Variants in CPPED1 observed in about 807,000 individuals in gnomAD.
CPPED1 encodes the protein serine/threonine-protein phosphatase CPPED1.
A neutral mutation model predicts 28.0 loss-of-function variants in CPPED1; 28 were observed. The observed-to-expected ratio is 1.00, with a 90% CI of 0.74 to 1.37. The LOEUF (loss-of-function observed/expected upper bound fraction) is 1.37, where lower values mean the gene tolerates loss of function less well. Among genes scored for constraint, CPPED1 ranks in the 40% most tolerant of loss-of-function variants. The probability of loss-of-function intolerance (pLI) is 0.00; values close to 1 mark genes in which losing one functional copy is unlikely to be tolerated. For missense variants in CPPED1, 504 were observed against 416.5 expected, an observed-to-expected ratio of 1.21 and a Z score of -1.83; for synonymous variants, 198 against 180.2, an observed-to-expected ratio of 1.10 and a Z score of -0.79.
At chr16:12,803,374 G>A (rs921340855) in intron 1 of CPPED1, among the ~76,000 whole-genome samples, 5 of 152,220 alleles carry the variant, frequency 3.3e-5, no homozygotes, top group Non-Finnish European at 2.9e-5. Context: ...CTGAGGCCAA[G>A]ATGCTAATGC....
intron 3 of CPPED1, among the ~76,000 whole-genome samples, chr16:12,683,731 G>A (rs1167223915): frequency 6.6e-6 from 1 of 152,130 alleles, no homozygotes; most frequent in African/African-American, 2.4e-5. Flanking sequence ...CATCCTCAGT[G>A]TGATCTTCCT....
chr16:12,725,476 C>T (rs2080164996), intron 2 of CPPED1, among the ~76,000 whole-genome samples: 1 of 152,098 alleles, frequency 6.6e-6, no homozygotes. Context: ...TTTTTTCACA[C>T]TACTTTGGAT....
chr16:12,732,768 ACCTATC>A (rs749623394), intron 2 of CPPED1, among the ~76,000 whole-genome samples: 52 of 152,312 alleles, frequency 3.4e-4, no homozygotes, highest in Non-Finnish European at 6.6e-4. Context: ...ATAACTCCTC[ACCTATC>A]ATTCTATACC....
chr16:12,717,156 G>C (rs970329094), intron 2 of CPPED1, among the ~76,000 whole-genome samples: 1 of 152,178 alleles, frequency 6.6e-6, no homozygotes, highest in African/African-American at 2.4e-5. Context: ...GCAGTAAAGA[G>C]TAAACAAATC....
At chr16:12,678,005 T>A (rs188541208) in intron 3 of CPPED1, among the ~76,000 whole-genome samples, 2 of 152,284 alleles carry the variant, frequency 1.3e-5, no homozygotes, top group Non-Finnish European at 2.9e-5. Context: ...TAAAACTTTA[T>A]TTACAAAAAT....
intron 2 of CPPED1, among the ~76,000 whole-genome samples, chr16:12,705,874 G>C (rs1295461693): frequency 6.6e-6 from 1 of 152,172 alleles, no homozygotes; most frequent in Non-Finnish European, 1.5e-5. Flanking sequence ...CTCATTAATG[G>C]TGTGGTTCAA....
chr16:12,730,947 G>C (rs548147114), intron 2 of CPPED1, among the ~76,000 whole-genome samples: 2 of 152,240 alleles, frequency 1.3e-5, no homozygotes, highest in Admixed American at 6.5e-5. Flanking sequence ...GGAATAAAAA[G>C]AGAGCTAAAA....
rs1469257969 is a variant in CPPED1, at chr16:12,661,606, T to C, written c.*3280A>G. 1 of 152,202 alleles carries C rather than the reference T, an allele frequency of 6.6e-6. No individual in the cohort carries two copies. Among genetic ancestry groups the C allele is most frequent in the Non-Finnish European group, 1.5e-5 (1 of 68,046 alleles). 9.4% of individuals were successfully genotyped at this position (152,202 alleles called of 1,614,324 possible). ...TTTTCCTCCAATTAAAGTGATTAATTGGAAAGGGGAGCATTAGGTGACATT... is the reference window on the plus strand; with the variant it reads ...TTTTCCTCCAATTAAAGTGATTAATCGGAAAGGGGAGCATTAGGTGACATT... On this transcript the variant is annotated 3_prime_UTR_variant, in exon 4 of 4. Coordinates refer to ENST00000381774, the MANE Select transcript of CPPED1 (RefSeq NM_018340.3).
intron 2 of CPPED1, among the ~76,000 whole-genome samples, chr16:12,760,052 TTC>T (rs2141225963): frequency 6.6e-6 from 1 of 152,324 alleles, no homozygotes; most frequent in African/African-American, 2.4e-5. Flanking sequence ...CGTCTGTGGA[TTC>T]AACTGCTGAT....
Position 12,664,706 on chromosome 16 carries a change from G to A in CPPED1, c.*180C>T. 6.9e-7 allele frequency: 1 copy of A among 1,447,168 alleles called. No homozygotes were observed. Among genetic ancestry groups the A allele is most frequent in the Non-Finnish European group, 9.0e-7 (1 of 1,111,972 alleles). 89.6% of individuals were successfully genotyped at this position (1,447,168 alleles called of 1,614,324 possible). A position where few individuals can be genotyped will look rare whatever the true frequency, so the allele number is the denominator to read the frequency against. ...TTCGCTCCATTTTAAAGGAAATGCA[G>A]TTCTATTTTGAATATAATTCAGGAC... On this transcript the variant is annotated 3_prime_UTR_variant, in exon 4 of 4. Coordinates refer to ENST00000381774, the MANE Select transcript of CPPED1 (RefSeq NM_018340.3). The surrounding 1 kb of genome is among the most constrained non-coding windows in gnomAD (Gnocchi z 4.2).
At chr16:12,781,102 A>T (rs2080527700) in intron 2 of CPPED1, 83 bp downstream of exon 2, 16 of 1,299,730 alleles carry the variant, frequency 1.2e-5, no homozygotes, top group Non-Finnish European at 1.3e-5. Flanking sequence ...ATGCCTTCGA[A>T]GCAAAATCTT....
chr16:12,754,591 T>C (rs1434772264), intron 2 of CPPED1, among the ~76,000 whole-genome samples: 4 of 152,248 alleles, frequency 2.6e-5, no homozygotes, highest in African/African-American at 9.6e-5. Flanking sequence ...CTGCATAGTC[T>C]ATTTATAAAA....
rs1490554390 is a variant in CPPED1 at position 12,661,930 on chromosome 16, C to A, written c.*2956G>T. The A allele has an allele frequency of 2.0e-5, 3 of 152,396 alleles. No homozygotes were observed. The highest frequency in any genetic ancestry group is 2.0e-4 in the Admixed American group (3 of 15,288). 9.4% of individuals were successfully genotyped at this position (152,396 alleles called of 1,614,324 possible). On this transcript the variant is annotated 3_prime_UTR_variant, in exon 4 of 4. Coordinates refer to ENST00000381774, the MANE Select transcript of CPPED1 (RefSeq NM_018340.3). ...TGTCCAAGGTGCTGAATACCGTACT[C>A]AGTGTGTTGCCACTGGCTGAGCTGG...
intron 2 of CPPED1, among the ~76,000 whole-genome samples, chr16:12,717,322 G>C (rs974804170): frequency 4.6e-5 from 7 of 152,284 alleles, no homozygotes; most frequent in African/African-American, 1.7e-4. Flanking sequence ...GGAGTGCAGC[G>C]GCGCCATCTC....
chr16:12,683,881 T>G (rs2079918958), intron 3 of CPPED1, among the ~76,000 whole-genome samples: 1 of 152,316 alleles, frequency 6.6e-6, no homozygotes, highest in East Asian at 1.9e-4. Context: ...GCGCAGCCTC[T>G]CCAGGATTTC....
intron 2 of CPPED1, among the ~76,000 whole-genome samples, chr16:12,767,975 A>G (rs958431365): frequency 6.6e-6 from 1 of 151,916 alleles, no homozygotes; most frequent in East Asian, 1.9e-4. Flanking sequence ...AAACAAAAAA[A>G]CCCCTGCCCT....
intron 1 of CPPED1, among the ~76,000 whole-genome samples, chr16:12,783,480 G>C (rs550323357): frequency 4.6e-5 from 7 of 151,898 alleles, no homozygotes; most frequent in Non-Finnish European, 8.8e-5. Context: ...GCCTGGGTGA[G>C]AGATTCTGTC....
rs192550397 is a variant in CPPED1, at chr16:12,689,092, C to T, written c.715+15532G>A. Among the ~76,000 whole-genome samples, 4 of 152,040 alleles carry T rather than the reference C, an allele frequency of 2.6e-5. No individual in the cohort carries two copies. The East Asian group carries it at 5.8e-4, about 22-fold the overall frequency. ...CCAACAATGACAAGAGTTAAATGAA[C>T]GTGGTATGTCTACAGAGTACAATGA... On this transcript the variant is annotated intron_variant, in intron 3 of 3. Transcript: ENST00000381774.
intron 3 of CPPED1, among the ~76,000 whole-genome samples, chr16:12,668,369 A>G (rs183116552): frequency 5.9e-5 from 9 of 152,328 alleles, no homozygotes; most frequent in African/African-American, 2.2e-4. Flanking sequence ...GGAAACTTAA[A>G]GCATATATAA....
Sources: allele counts gnomAD v4.1 joint callset (sites outside exome capture counted in the v4.1 genomes callset), GRCh38; gene constraint gnomAD v4.1.1; non-coding constraint Gnocchi (gnomAD v3.1); transcripts MANE v1.5; gene names NCBI Gene and HGNC (gene_info 2026-07-23, HGNC 2026-07-21).